The following RBFOX1 variants were observed in gnomAD, a reference collection of about 807,000 sequenced individuals.
RBFOX1 encodes the protein RNA binding fox-1 homolog 1, also known as RNA binding protein fox-1 homolog 1.
RBFOX1 carries 8 observed loss-of-function variants against 57.7 expected under a neutral mutation model. That is an observed-to-expected ratio of 0.14 (90% confidence interval 0.08 to 0.25). RBFOX1 has a LOEUF of 0.25. Among genes scored for constraint, RBFOX1 ranks in the 10% least tolerant of loss-of-function variants. RBFOX1 has a pLI of 1.00. For synonymous variants in RBFOX1, 326 were observed against 222.4 expected, an observed-to-expected ratio of 1.47 and a Z score of -4.15; for missense variants, 611 against 548.5, an observed-to-expected ratio of 1.11 and a Z score of -1.14.
intron 1 of RBFOX1, among the ~76,000 whole-genome samples, chr16:6,210,844 C>G (rs936260689): frequency 6.6e-6 from 1 of 152,146 alleles, no homozygotes; most frequent in Non-Finnish European, 1.5e-5. Flanking sequence ...CCAGGCAGTC[C>G]TTAAGTGAAC....
chr16:5,536,095 GC>G (rs566153291), intron 2 of RBFOX1, among the ~76,000 whole-genome samples: 2,215 of 48,188 alleles, frequency 0.046, 37 homozygotes, highest in South Asian at 0.16. Flanking sequence ...AAGTCATCAA[GC>G]CCCCCCCCCC....
intron 4 of RBFOX1, among the ~76,000 whole-genome samples, chr16:7,299,976 A>C (rs1175001404): frequency 6.6e-6 from 1 of 152,234 alleles, no homozygotes; most frequent in Non-Finnish European, 1.5e-5. Flanking sequence ...ATCTGTATTA[A>C]ACAAATGTGA....
At chr16:5,831,205 G>C (rs1189360314) in intron 3 of RBFOX1, among the ~76,000 whole-genome samples, 2 of 152,228 alleles carry the variant, frequency 1.3e-5, no homozygotes, top group South Asian at 2.1e-4. Flanking sequence ...GGTGGGAACT[G>C]TTTGGATCAT....
chr16:7,415,178 T>A (rs1312679489), intron 4 of RBFOX1, among the ~76,000 whole-genome samples: 1 of 152,254 alleles, frequency 6.6e-6, no homozygotes, highest in Non-Finnish European at 1.5e-5. Flanking sequence ...CCCCATGGCT[T>A]ACAATCCTGG....
intron 4 of RBFOX1, among the ~76,000 whole-genome samples, chr16:7,352,208 A>T (rs959574222): frequency 6.6e-6 from 1 of 152,144 alleles, no homozygotes; most frequent in Non-Finnish European, 1.5e-5. Context: ...TTTGAGGTGG[A>T]AAACATTTTT....
chr16:6,136,997 A>T (rs1332734371), intron 1 of RBFOX1, among the ~76,000 whole-genome samples: 1 of 151,988 alleles, frequency 6.6e-6, no homozygotes, highest in South Asian at 2.1e-4. Flanking sequence ...GTTAATTATC[A>T]CCCCTCCACC....
At chr16:6,936,384 A>C (rs1273480331) in intron 3 of RBFOX1, among the ~76,000 whole-genome samples, 1 of 152,220 alleles carries the variant, frequency 6.6e-6, no homozygotes, top group Non-Finnish European at 1.5e-5. Context: ...AGAAACAAAT[A>C]AAAACTTCTT....
At chr16:7,002,646 A>G (rs1436614332) in intron 3 of RBFOX1, among the ~76,000 whole-genome samples, 1 of 152,180 alleles carries the variant, frequency 6.6e-6, no homozygotes, top group Non-Finnish European at 1.5e-5. Context: ...TGGGAGGCAG[A>G]GGTTGCAGGG....
At chr16:6,425,864 C>T (rs775927849) in intron 2 of RBFOX1, among the ~76,000 whole-genome samples, 3 of 152,064 alleles carry the variant, frequency 2.0e-5, no homozygotes, top group Non-Finnish European at 4.4e-5. Context: ...AGCATAATGT[C>T]AATCATTGTC....
At chr16:7,254,011 G>A (rs921073464) in intron 4 of RBFOX1, among the ~76,000 whole-genome samples, 1 of 152,136 alleles carries the variant, frequency 6.6e-6, no homozygotes, top group African/African-American at 2.4e-5. Flanking sequence ...TGTTAGCAGG[G>A]ATGGAAAGTG....
At chr16:7,587,808 A>G (rs1172495771) in intron 7 of RBFOX1, among the ~76,000 whole-genome samples, 1 of 152,204 alleles carries the variant, frequency 6.6e-6, no homozygotes, top group Admixed American at 6.5e-5. Context: ...TTTCAAGGAA[A>G]CCAATTTTTA....
At chr16:7,233,747 C>A (rs1240682361) in intron 4 of RBFOX1, among the ~76,000 whole-genome samples, 7 of 152,078 alleles carry the variant, frequency 4.6e-5, no homozygotes, top group African/African-American at 1.7e-4. Flanking sequence ...AGAAACATAA[C>A]AACATTTGGG....
chr16:7,028,603 CACACACAAAAAAA>C (rs2041707672), intron 3 of RBFOX1, among the ~76,000 whole-genome samples: 2 of 32,622 alleles, frequency 6.1e-5, no homozygotes, highest in African/African-American at 3.1e-4. Flanking sequence ...CACACACACA[CACACACAAAAAAA>C]AAAAAAAAAA....
intron 1 of RBFOX1, among the ~76,000 whole-genome samples, chr16:6,043,624 C>T (rs560867990): frequency 9.2e-5 from 14 of 152,316 alleles, no homozygotes; most frequent in African/African-American, 3.1e-4. Context: ...TTTCATGTTT[C>T]AGGTTTCCCT....
intron 3 of RBFOX1, among the ~76,000 whole-genome samples, chr16:5,666,666 A>G (rs989756980): frequency 6.6e-6 from 1 of 152,218 alleles, no homozygotes; most frequent in African/African-American, 2.4e-5. Flanking sequence ...GCCACTTTAG[A>G]TAGATAAAGA....
rs1555651253 is a variant in RBFOX1 at position 6,939,506 on chromosome 16, C to CTTTTGT, written c.-15-112547_-15-112546insGTTTTT. On this transcript the variant is annotated intron_variant, in intron 3 of 15. Transcript: ENST00000550418. ...TTAAATAGTTTCAGAATTTTTCTTT[C>CTTTTGT]TTTTTTTTTTTTTCTTTTTTTTGAG... 5.4e-4 allele frequency among the ~76,000 whole-genome samples: 61 copies of CTTTTGT among 112,908 alleles called. 1 individual carries two copies. The highest frequency in any genetic ancestry group is 1.8e-3 in the African/African-American group (56 of 31,914). The allele number at this position is 112,908 out of a possible 152,430, so 74.1% of individuals were successfully genotyped here.
intron 1 of RBFOX1, among the ~76,000 whole-genome samples, chr16:6,122,706 CTT>C (rs2152641821): frequency 6.6e-6 from 1 of 151,924 alleles, no homozygotes; most frequent in East Asian, 1.9e-4. Context: ...AAAGGAGTAA[CTT>C]TATCTTTTCA....
rs186849788 is a variant in RBFOX1, at chr16:7,690,370, G to A, written c.995+13532G>A. Among the ~76,000 whole-genome samples, 6 of 152,204 alleles carry A rather than the reference G, an allele frequency of 3.9e-5. No individual in the cohort carries two copies. In the South Asian group the frequency reaches 8.3e-4, roughly 21 times the overall value. On this transcript the variant is annotated intron_variant, in intron 14 of 15. Coordinates refer to ENST00000550418, the MANE Select transcript of RBFOX1 (RefSeq NM_018723.4). ...CTGAGGCCCGAGACCCAGTTTCAGA[G>A]GTTACCATTTAATTGGTCTTCAGTG...
At chr16:7,519,725 G>A (rs2077114951) in intron 5 of RBFOX1, 1 of 984,844 alleles carries the variant, frequency 1.0e-6, no homozygotes, top group Non-Finnish European at 1.2e-6. Context: ...AGGCAATTCT[G>A]CCTCTTCGTC....
Sources: gnomAD v4.1 joint callset for allele counts (sites outside exome capture counted in the v4.1 genomes callset) on GRCh38, gnomAD v4.1.1 for gene constraint, MANE v1.5 for transcripts, NCBI Gene and HGNC (gene_info 2026-07-23, HGNC 2026-07-21) for gene names.